Variants in MAP7 observed in about 807,000 individuals in gnomAD.
The protein encoded by MAP7 is ensconsin.
In MAP7, 52 loss-of-function variants were observed where a neutral mutation model predicts 94.8. That is an observed-to-expected ratio of 0.55 (90% CI 0.44 to 0.69). The LOEUF is 0.69. Among genes scored for constraint, MAP7 ranks in the 30% least tolerant of loss-of-function variants. MAP7 has a pLI of 0.00. For synonymous variants in MAP7, 350 were observed against 357.0 expected (o/e 0.98, Z 0.22); for missense variants, 940 against 964.6 (o/e 0.97, Z 0.34).
Position 136,402,740 on chromosome 6 carries a change from A to C in MAP7, c.244+8880T>G, listed in dbSNP as rs573290132. On this transcript the variant is annotated intron_variant, in intron 3 of 17. Transcript: ENST00000354570. ...GCTAACACGGTGAAACCCCGTCTCT[A>C]CTAAAAATACAAAAAATTAGCCGGG... Among the ~76,000 whole-genome samples the C allele has an allele frequency of 2.4e-3, 365 of 152,082 alleles. 1 individual carries two copies. Among genetic ancestry groups the C allele is most frequent in the Non-Finnish European group, 3.9e-3 (268 of 67,964 alleles).
At chr6:136,549,811 C>T (rs907041721) in intron 1 of MAP7, among the ~76,000 whole-genome samples, 1 of 152,166 alleles carries the variant, frequency 6.6e-6, no homozygotes, top group African/African-American at 2.4e-5. Flanking sequence ...ACTGCGGGCA[C>T]CAGATTGGGG....
At chr6:136,354,607 G>A (rs117361427) in intron 16 of MAP7, among the ~76,000 whole-genome samples, 1 of 151,636 alleles carries the variant, frequency 6.6e-6, no homozygotes, top group East Asian at 1.9e-4. Context: ...TGTATTGTCA[G>A]GTGAAAGTAG....
chr6:136,422,495 C>T (rs957428705), intron 1 of MAP7, among the ~76,000 whole-genome samples: 2 of 152,110 alleles, frequency 1.3e-5, no homozygotes, highest in Admixed American at 1.3e-4. Context: ...TTTATTGGAT[C>T]CATTCTAGGC....
intron 10 of MAP7, 95 bp downstream of exon 10, chr6:136,365,640 C>T: frequency 7.3e-7 from 1 of 1,362,404 alleles, no homozygotes; most frequent in South Asian, 1.5e-5. Context: ...TCCAAGTCTC[C>T]AATAAAAGAA....
chr6:136,525,953 T>G (rs1192203707), intron 1 of MAP7: 1 of 1,521,064 alleles, frequency 6.6e-7, no homozygotes, highest in Non-Finnish European at 8.8e-7. Context: ...GAGCTGTAGC[T>G]GATCCAGGCA....
chr6:136,359,783 T>TA, intron 15 of MAP7, 37 bp downstream of exon 15: 3 of 1,573,982 alleles, frequency 1.9e-6, no homozygotes, highest in Non-Finnish European at 2.6e-6. Flanking sequence ...TTAAACATTT[T>TA]ATATATAAAT....
chr6:136,507,351 G>C (rs1187491706), intron 1 of MAP7, among the ~76,000 whole-genome samples: 2 of 151,688 alleles, frequency 1.3e-5, no homozygotes, highest in Non-Finnish European at 2.9e-5. Context: ...AGGACGGGAA[G>C]GGGGGTAGTA....
chr6:136,421,440 CTG>C (rs1465430979), intron 2 of MAP7, among the ~76,000 whole-genome samples: 4 of 152,144 alleles, frequency 2.6e-5, no homozygotes, highest in Non-Finnish European at 5.9e-5. Flanking sequence ...CAAAATGACT[CTG>C]AGAGGTAAGC....
intron 1 of MAP7, among the ~76,000 whole-genome samples, chr6:136,477,627 A>G (rs1343186970): frequency 6.6e-6 from 1 of 152,254 alleles, no homozygotes; most frequent in Non-Finnish European, 1.5e-5. Flanking sequence ...AACTGCAAAT[A>G]TATAGGCACC....
At chr6:136,526,841 C>T in intron 1 of MAP7, 1 of 228,920 alleles carries the variant, frequency 4.4e-6, no homozygotes, top group Non-Finnish European at 7.2e-6. Context: ...ACTTTACTTT[C>T]CTGACATTCT....
chr6:136,388,860 T>C (rs1779898211), intron 4 of MAP7, among the ~76,000 whole-genome samples: 1 of 152,120 alleles, frequency 6.6e-6, no homozygotes, highest in Non-Finnish European at 1.5e-5. Context: ...ATACCATATT[T>C]AAAAAACAGT....
At chr6:136,390,584 C>T (rs576360381) in intron 3 of MAP7, among the ~76,000 whole-genome samples, 2 of 152,062 alleles carry the variant, frequency 1.3e-5, no homozygotes, top group East Asian at 1.9e-4. Flanking sequence ...ACTTGGGAGG[C>T]GGATGTTGCA....
Position 136,497,730 on chromosome 6 carries a change from T to C in MAP7, c.67+52612A>G, listed in dbSNP as rs550075636. ...AGGAGAATCGCTTGAACCCGGGAGGTGGATGCTGCAGTGAGCCGAGATCGT... is the reference window on the plus strand; with the variant it reads ...AGGAGAATCGCTTGAACCCGGGAGGCGGATGCTGCAGTGAGCCGAGATCGT... On this transcript the variant is annotated intron_variant, in intron 1 of 17. Transcript: ENST00000354570. 9.1e-5 allele frequency among the ~76,000 whole-genome samples: 12 copies of C among 132,422 alleles called. No individual in the cohort carries two copies. In the East Asian group the frequency reaches 2.7e-3, roughly 29 times the overall value. 86.9% of individuals were successfully genotyped at this position (132,422 alleles called of 152,430 possible). A position where few individuals can be genotyped will look rare whatever the true frequency, so the allele number is the denominator to read the frequency against.
chr6:136,471,691 T>A (rs984727836), intron 1 of MAP7, among the ~76,000 whole-genome samples: 1 of 152,162 alleles, frequency 6.6e-6, no homozygotes, highest in African/African-American at 2.4e-5. Flanking sequence ...AAAATCTGCA[T>A]TTACATTACC....
At chr6:136,531,702 A>T (rs1221105750) in intron 1 of MAP7, among the ~76,000 whole-genome samples, 2 of 123,498 alleles carry the variant, frequency 1.6e-5, no homozygotes, top group Admixed American at 1.6e-4. Context: ...GGATAGACGT[A>T]AAAACAGGAA....
At chr6:136,441,022 TTTC>T (rs1797710245) in intron 1 of MAP7, among the ~76,000 whole-genome samples, 1 of 152,150 alleles carries the variant, frequency 6.6e-6, no homozygotes, top group South Asian at 2.1e-4. Context: ...ATGACAGGAT[TTTC>T]TTATTTTTTA....
chr6:136,477,307 T>C (rs1233929388), intron 1 of MAP7, among the ~76,000 whole-genome samples: 1 of 152,172 alleles, frequency 6.6e-6, no homozygotes, highest in Non-Finnish European at 1.5e-5. Flanking sequence ...AGAGACATCC[T>C]ACAAAACAAC....
chr6:136,361,025 C>G lies in MAP7; in HGVS notation c.1681G>C (p.Ala561Pro). The change falls in exon 12 of 18, where the codon GCA becomes CCA. Residue 561 changes from alanine to proline, a missense_variant. Transcript: ENST00000354570. Reference sequence around the variant, plus strand: ...CGCACCTGCCTCTGGGCGCGCTCTGCCTCCTCCCGCTCGCGCAGCGCCCGC... The same window carrying G: ...CGCACCTGCCTCTGGGCGCGCTCTGGCTCCTCCCGCTCGCGCAGCGCCCGC... The part of the protein sequence containing the change: ...EERALREREE[A>P]ERAQRQKEEE... The G allele has an allele frequency of 6.3e-7, 1 of 1,575,976 alleles. No homozygotes were observed. Among genetic ancestry groups the G allele is most frequent in the Non-Finnish European group, 8.6e-7 (1 of 1,167,336 alleles).
At chr6:136,421,563 G>T in intron 2 of MAP7, 138 bp downstream of exon 2, 1 of 688,068 alleles carries the variant, frequency 1.5e-6, no homozygotes, top group Non-Finnish European at 2.4e-6. Flanking sequence ...TTGGTGGCAG[G>T]ACTGAAACCA....
Sources: gnomAD v4.1 joint callset for allele counts (sites outside exome capture counted in the v4.1 genomes callset) on GRCh38, gnomAD v4.1.1 for gene constraint, MANE v1.5 for transcripts, NCBI Gene and HGNC (gene_info 2026-07-23, HGNC 2026-07-21) for gene names.